Variants in CHCT1 observed in about 807,000 individuals in gnomAD.
CHCT1 encodes the protein CHD1 helical C-terminal domain containing protein 1.
chr17:60,424,934 G>A, the CHCT1 span, among the ~76,000 whole-genome samples: 2 of 151,996 alleles, frequency 1.3e-5, no homozygotes, highest in Admixed American at 6.5e-5. Flanking sequence ...ATAACAGCTC[G>A]AACATTATGA....
At chr17:60,426,268 C>T in the CHCT1 span, 1 of 1,537,896 alleles carries the variant, frequency 6.5e-7, no homozygotes, top group Non-Finnish European at 8.8e-7. Context: ...GCCTTGTGGT[C>T]CTAGGGGACC....
the CHCT1 span, chr17:60,422,761 C>G: frequency 9.3e-7 from 1 of 1,075,958 alleles, no homozygotes; most frequent in Non-Finnish European, 1.3e-6. Flanking sequence ...CCTGAGATAG[C>G]AAGAGGCCTA....
At chr17:60,426,876 C>T in the CHCT1 span, 2 of 1,544,262 alleles carry the variant, frequency 1.3e-6, no homozygotes, top group Admixed American at 2.0e-5. Context: ...TGTCCTTAGA[C>T]TTGCGGGGAG....
the CHCT1 span, among the ~76,000 whole-genome samples, chr17:60,428,374 C>T: frequency 4.3e-4 from 65 of 152,246 alleles, no homozygotes; most frequent in African/African-American, 1.6e-3. Flanking sequence ...CTCTCTGCAT[C>T]TGTTTCTTCC....
the CHCT1 span, chr17:60,427,000 C>A: frequency 0.016 from 11,138 of 709,272 alleles, 1,088 homozygotes; most frequent in African/African-American, 0.2. Context: ...CTGAAGAGGC[C>A]GAGGCTCAGC....
the CHCT1 span, chr17:60,429,659 C>T: frequency 8.5e-7 from 1 of 1,180,720 alleles, no homozygotes; most frequent in South Asian, 1.6e-5. Flanking sequence ...GAGCCTCTGC[C>T]CCCAGCCTGA....
the CHCT1 span, among the ~76,000 whole-genome samples, chr17:60,423,196 C>CT: frequency 0.028 from 4,094 of 144,478 alleles, 160 homozygotes; most frequent in African/African-American, 0.084. Context: ...TTTCTTTGTT[C>CT]TTTTTTTTTT....
chr17:60,425,991 C>G, the CHCT1 span: 5 of 1,283,380 alleles, frequency 3.9e-6, no homozygotes, highest in Non-Finnish European at 4.4e-6. Flanking sequence ...CCCCACTTGT[C>G]TTACTCTTGG....
At chr17:60,422,599 G>C in the CHCT1 span, 1 of 1,550,592 alleles carries the variant, frequency 6.4e-7, no homozygotes, top group Non-Finnish European at 8.7e-7. Context: ...TGAGATGGAG[G>C]CCTCAGATGG....
chr17:60,424,214 C>T, the CHCT1 span, among the ~76,000 whole-genome samples: 1 of 152,200 alleles, frequency 6.6e-6, no homozygotes, highest in African/African-American at 2.4e-5. Context: ...CTGCCTCCAA[C>T]ATTGGGGATC....
chr17:60,425,046 A>G, the CHCT1 span, among the ~76,000 whole-genome samples: 3 of 152,160 alleles, frequency 2.0e-5, no homozygotes, highest in East Asian at 3.8e-4. Flanking sequence ...TGATTCACCA[A>G]AGAATGCAGT....
At chr17:60,423,357 T>TA in the CHCT1 span, among the ~76,000 whole-genome samples, 1 of 152,048 alleles carries the variant, frequency 6.6e-6, no homozygotes. Flanking sequence ...CACACCTGGC[T>TA]AATTTTTGTA....
the CHCT1 span, chr17:60,421,873 T>G: frequency 1.0e-6 from 1 of 985,426 alleles, no homozygotes; most frequent in Non-Finnish European, 1.2e-6. Context: ...GCGACGGGAC[T>G]TGCCCGCGTC....
chr17:60,427,931 A>G, the CHCT1 span, among the ~76,000 whole-genome samples: 1 of 152,086 alleles, frequency 6.6e-6, no homozygotes, highest in African/African-American at 2.4e-5. Context: ...CGTCGGGATC[A>G]TACAATATGT....
At chr17:60,425,633 G>A in the CHCT1 span, 8 of 586,700 alleles carry the variant, frequency 1.4e-5, no homozygotes, top group Non-Finnish European at 1.6e-5. Flanking sequence ...GGGTTTCTTT[G>A]CCCAAGGCTC....
chr17:60,423,498 C>A, the CHCT1 span, among the ~76,000 whole-genome samples: 1 of 151,624 alleles, frequency 6.6e-6, no homozygotes, highest in Non-Finnish European at 1.5e-5. Context: ...CAGTTTTGCT[C>A]TGTCACCCAG....
chr17:60,424,462 T>A, the CHCT1 span, among the ~76,000 whole-genome samples: 1 of 152,158 alleles, frequency 6.6e-6, no homozygotes, highest in Non-Finnish European at 1.5e-5. Context: ...AGAAACTTTA[T>A]AAAATTAATC....
the CHCT1 span, chr17:60,425,969 C>T: frequency 7.6e-7 from 1 of 1,322,738 alleles, no homozygotes; most frequent in Non-Finnish European, 1.1e-6. Context: ...GCCTCAGACC[C>T]ACAGCGCATT....
At chr17:60,426,339 A>C in the CHCT1 span, 1 of 1,549,880 alleles carries the variant, frequency 6.5e-7, no homozygotes, top group South Asian at 1.2e-5. Flanking sequence ...TGGAGAAAGT[A>C]GGGCAGTCTC....
Sources: gnomAD v4.1 joint callset for allele counts (sites outside exome capture counted in the v4.1 genomes callset) on GRCh38, gnomAD v4.1.1 for gene constraint, MANE v1.5 for transcripts, NCBI Gene and HGNC (gene_info 2026-07-23, HGNC 2026-07-21) for gene names.